The following NCAM1 variants were observed in gnomAD, a reference collection of about 807,000 sequenced individuals.
The protein encoded by NCAM1 is neural cell adhesion molecule 1.
NCAM1 carries 14 observed loss-of-function variants against 109.8 expected under a neutral mutation model. The observed-to-expected ratio is 0.13, with a 90% CI of 0.08 to 0.20. The LOEUF is 0.20. NCAM1 is among the 10% of genes least tolerant of loss of function. The pLI, the probability that NCAM1 is intolerant of heterozygous loss-of-function variation, is 1.00. For synonymous variants in NCAM1, 418 were observed against 442.9 expected (o/e 0.94, Z 0.70); for missense variants, 774 against 1,109.9 (o/e 0.70, Z 4.30).
rs1398440341 is a variant in NCAM1, at chr11:113,208,115, C to G, written c.916+113C>G. ...TCCCTCAGAACATAACCCAATGCAA[C>G]CATTTCTTGCCAGTTCCACCACCTA... is the stretch of plus-strand genomic sequence containing the variant. On this transcript the variant is annotated intron_variant, in intron 7 of 19. Coordinates refer to ENST00000316851, the MANE Select transcript of NCAM1 (RefSeq NM_181351.5). The G allele has an allele frequency of 1.1e-5, 14 of 1,220,968 alleles. No homozygotes were observed. The East Asian group carries it at 2.3e-4, about 20-fold the overall frequency. 75.6% of individuals were successfully genotyped at this position (1,220,968 alleles called of 1,614,324 possible).
chr11:113,054,590 G>T (rs535971583), intron 1 of NCAM1, among the ~76,000 whole-genome samples: 13 of 152,260 alleles, frequency 8.5e-5, no homozygotes, highest in Admixed American at 2.6e-4. Context: ...CTTATTCCCC[G>T]ATACAGAACT....
intron 1 of NCAM1, among the ~76,000 whole-genome samples, chr11:113,053,268 A>G (rs1258659924): frequency 6.6e-6 from 1 of 152,190 alleles, no homozygotes; most frequent in African/African-American, 2.4e-5. Context: ...ATAGTATTCC[A>G]TGGTGTATAT....
intron 1 of NCAM1, among the ~76,000 whole-genome samples, chr11:113,098,654 T>C (rs1424455682): frequency 1.3e-5 from 2 of 152,088 alleles, no homozygotes; most frequent in African/African-American, 2.4e-5. Context: ...CCCCTTTAAG[T>C]AGAGTGGTCA....
At chr11:113,177,375 G>T (rs575630324) in intron 1 of NCAM1, among the ~76,000 whole-genome samples, 2 of 151,810 alleles carry the variant, frequency 1.3e-5, no homozygotes, top group Non-Finnish European at 2.9e-5. Flanking sequence ...ATTTGTTTTC[G>T]CCAAAAAAAA....
intron 15 of NCAM1, among the ~76,000 whole-genome samples, chr11:113,250,348 C>A (rs782455582): frequency 1.7e-4 from 26 of 152,176 alleles, no homozygotes; most frequent in Non-Finnish European, 3.2e-4. Context: ...GAGGGCTAAG[C>A]GCTTTGTTTC....
chr11:113,000,397 CT>C (rs1565373653), intron 1 of NCAM1, among the ~76,000 whole-genome samples: 1 of 151,938 alleles, frequency 6.6e-6, no homozygotes, highest in African/African-American at 2.4e-5. Context: ...AAGATTGCCT[CT>C]TTTTCAAGAT....
chr11:112,964,182 T>C (rs1211748651), intron 1 of NCAM1, among the ~76,000 whole-genome samples: 11 of 131,760 alleles, frequency 8.3e-5, no homozygotes, highest in African/African-American at 3.2e-4. Context: ...AAATGTAGCA[T>C]GTCCAGGGCA....
At chr11:112,994,203 A>G (rs1242332804) in intron 1 of NCAM1, among the ~76,000 whole-genome samples, 1 of 152,224 alleles carries the variant, frequency 6.6e-6, no homozygotes, top group Non-Finnish European at 1.5e-5. Flanking sequence ...TCCCATAGAT[A>G]TCTGATAGTA....
chr11:113,019,938 T>G (rs1952334699), intron 1 of NCAM1, among the ~76,000 whole-genome samples: 1 of 152,222 alleles, frequency 6.6e-6, no homozygotes, highest in Admixed American at 6.5e-5. Flanking sequence ...ATGATGTTCC[T>G]GTTATTTCTG....
chr11:112,998,788 A>G (rs1555071897), intron 1 of NCAM1, among the ~76,000 whole-genome samples: 1 of 152,194 alleles, frequency 6.6e-6, no homozygotes, highest in Non-Finnish European at 1.5e-5. Flanking sequence ...GTGTGTGCCC[A>G]GATCTCTTTT....
Position 113,185,079 on chromosome 11 carries a change from T to TATATATAGAGAGAGAGAGAGAG in NCAM1, c.53-17299_53-17298insTATATAGAGAGAGAGAGAGAGA. 1.0e-4 allele frequency among the ~76,000 whole-genome samples: 13 copies of TATATATAGAGAGAGAGAGAGAG among 125,750 alleles called. No individual in the cohort carries two copies. The East Asian group carries it at 1.7e-3, about 17-fold the overall frequency. The allele number at this position is 125,750 out of a possible 152,430, so 82.5% of individuals were successfully genotyped here. A position where few individuals can be genotyped will look rare whatever the true frequency, so the allele number is the denominator to read the frequency against. On this transcript the variant is annotated intron_variant, in intron 1 of 19. Coordinates refer to ENST00000316851, the MANE Select transcript of NCAM1 (RefSeq NM_181351.5). ...GTGTGCATTTATATTTATATATATA[T>TATATATAGAGAGAGAGAGAGAG]AGAGAGAGAGAGAGAGAGAGAGAGA... is the stretch of plus-strand genomic sequence containing the variant.
chr11:113,037,980 G>C lies in NCAM1; in HGVS notation c.52+76316G>C, dbSNP rs1396282437. Among the ~76,000 whole-genome samples, 23 of 152,134 alleles carry C rather than the reference G, an allele frequency of 1.5e-4. 1 individual carries two copies. On this transcript the variant is annotated intron_variant, in intron 1 of 19. Coordinates refer to ENST00000316851, the MANE Select transcript of NCAM1 (RefSeq NM_181351.5). Reference sequence around the variant, plus strand: ...AAGGAAAGAAAAATGTCAAAACACAGTCCCAGAGGGCCAGGCTCACCCCTG... The same window carrying C: ...AAGGAAAGAAAAATGTCAAAACACACTCCCAGAGGGCCAGGCTCACCCCTG...
chr11:113,245,921 A>G (rs1189086492), intron 14 of NCAM1, among the ~76,000 whole-genome samples: 2 of 152,164 alleles, frequency 1.3e-5, no homozygotes, highest in Non-Finnish European at 1.5e-5. Flanking sequence ...GTGGATAATA[A>G]CTTGCTTTTT....
Position 113,275,312 on chromosome 11 carries a change from G to C in NCAM1, c.2502G>C (p.Thr834=), listed in dbSNP as rs782086959. Residue 834 remains threonine (T), a synonymous_variant, in exon 20 of 20, where the codon ACG becomes ACC. Transcript: ENST00000316851. The stretch of plus-strand genomic sequence containing the variant: ...AGCCAGAGTGCCAGGAGACAGAAAC[G>C]AAGCCAGCGCCAGCCGAAGTCAAGA... ...EAKPECQETE[T]KPAPAEVKTV... 7.4e-6 allele frequency: 12 copies of C among 1,613,722 alleles called. No individual in the cohort carries two copies. In the South Asian group the frequency reaches 1.2e-4, roughly 16 times the overall value.
chr11:113,247,471 C>T (rs984267575), intron 15 of NCAM1, among the ~76,000 whole-genome samples: 1 of 152,142 alleles, frequency 6.6e-6, no homozygotes, highest in Non-Finnish European at 1.5e-5. Context: ...GTCCTTTGTT[C>T]CCGGTCTGCT....
At chr11:113,232,545 G>C (rs1945043240) in intron 11 of NCAM1, among the ~76,000 whole-genome samples, 173 bp from the exon 12 acceptor site, 1 of 152,130 alleles carries the variant, frequency 6.6e-6, no homozygotes, top group South Asian at 2.1e-4. Flanking sequence ...CCCTGAATGT[G>C]CCTCTCCCAT....
At chr11:113,250,044 A>G (rs1945623684) in intron 15 of NCAM1, among the ~76,000 whole-genome samples, 1 of 152,214 alleles carries the variant, frequency 6.6e-6, no homozygotes, top group African/African-American at 2.4e-5. Flanking sequence ...GCTAGGAACT[A>G]GGATGGCAAA....
chr11:113,100,484 A>G (rs1480797924), intron 1 of NCAM1, among the ~76,000 whole-genome samples: 1 of 152,148 alleles, frequency 6.6e-6, no homozygotes, highest in African/African-American at 2.4e-5. Flanking sequence ...GAAGCAGGTC[A>G]CGTGCACTTG....
intron 2 of NCAM1, among the ~76,000 whole-genome samples, chr11:113,204,023 G>T (rs1944157066): frequency 6.6e-6 from 1 of 152,184 alleles, no homozygotes; most frequent in South Asian, 2.1e-4. Flanking sequence ...CATCATTAGG[G>T]ATAGGACCAT....
Sources: allele counts gnomAD v4.1 joint callset (sites outside exome capture counted in the v4.1 genomes callset), GRCh38; gene constraint gnomAD v4.1.1; transcripts MANE v1.5; gene names NCBI Gene and HGNC (gene_info 2026-07-23, HGNC 2026-07-21).